Variants in NUP205 observed in about 807,000 individuals in gnomAD.
The protein encoded by NUP205 is nucleoporin 205, also known as nuclear pore complex protein Nup205.
A neutral mutation model predicts 253.8 loss-of-function variants in NUP205; 76 were observed. That is an observed-to-expected ratio of 0.30 (90% CI 0.25 to 0.36). NUP205 has a LOEUF of 0.36. NUP205 is among the 10% of genes least tolerant of loss of function. NUP205 has a pLI of 1.00. For missense variants in NUP205, 2,162 were observed against 2,425.5 expected, an observed-to-expected ratio of 0.89 and a Z score of 2.28; for synonymous variants, 832 against 850.1, an observed-to-expected ratio of 0.98 and a Z score of 0.37.
Position 135,607,347 on chromosome 7 carries a change from T to A in NUP205, c.3171T>A (p.Pro1057=). 6.2e-7 allele frequency: 1 copy of A among 1,613,878 alleles called. No homozygotes were observed. Among genetic ancestry groups the A allele is most frequent in the Non-Finnish European group, 8.5e-7 (1 of 1,179,852 alleles). ...GCCCAGTGGCGGTGCGAGAATCTCC[T>A]CAGCTGGCTGAGCTATGTTACCAGG... ...RTGPVAVRES[P]QLAELCYQVI... is the part of the protein sequence containing the mutation. Residue 1057 remains proline, a synonymous_variant, in exon 22 of 43, where the codon CCT becomes CCA. Transcript: ENST00000285968.
At chr7:135,609,310 C>T (rs1279019139) in intron 22 of NUP205, among the ~76,000 whole-genome samples, 1 of 151,890 alleles carries the variant, frequency 6.6e-6, no homozygotes, top group African/African-American at 2.4e-5. Flanking sequence ...AACCCCATCT[C>T]TACTAAAAAT....
rs1244111756 is a variant in NUP205, at chr7:135,625,238, C to T, written c.4554C>T (p.Asn1518=). 6 of 1,614,054 alleles carry T rather than the reference C, an allele frequency of 3.7e-6. No homozygotes were observed. The highest frequency in any genetic ancestry group is 5.1e-6 in the Non-Finnish European group (6 of 1,179,966). The change falls in exon 32 of 43, where the codon AAC becomes AAT. Residue 1518 remains asparagine (N), a synonymous_variant. Transcript: ENST00000285968. ...KQQQWLLYLS[N]SGYLKVLVDS... ...AGCAGTGGCTTTTGTATCTTTCTAA[C>T]AGTGGCTACTTGAAGGTCCTCGTAG... is the stretch of plus-strand genomic sequence containing the variant.
intron 22 of NUP205, among the ~76,000 whole-genome samples, chr7:135,609,129 C>T (rs898556700): frequency 6.8e-6 from 1 of 147,842 alleles, no homozygotes; most frequent in African/African-American, 2.5e-5. Flanking sequence ...AAAAAAGAAC[C>T]AGGCTTTATA....
chr7:135,600,221 T>G (rs1468055742), intron 15 of NUP205, among the ~76,000 whole-genome samples: 2 of 152,228 alleles, frequency 1.3e-5, no homozygotes, highest in Non-Finnish European at 2.9e-5. Flanking sequence ...TTGGCATAAG[T>G]ATTTTTCTTT....
Position 135,600,917 on chromosome 7 carries a change from A to T in NUP205, c.2322A>T (p.Arg774Ser). The T allele has an allele frequency of 6.2e-7, 1 of 1,612,118 alleles. No individual in the cohort carries two copies. The change falls in exon 16 of 43, where the codon AGA becomes AGT. Residue 774 changes from arginine to serine, a missense_variant. Physicochemically the swap from Arg to Ser is moderately radical, Grantham distance 110. This residue lies in a region of NUP205 where 892 missense variants were observed against 957.1 expected (regional missense o/e 0.93). Transcript: ENST00000285968. ...VVLEVFYKLL[R>S]DYEPQLEDFV... ...TGGAGGTGTTTTATAAATTGCTCAGAGATTATGAGCCTCAGCTTGAAGATT... is the reference window on the plus strand; with the variant it reads ...TGGAGGTGTTTTATAAATTGCTCAGTGATTATGAGCCTCAGCTTGAAGATT...
At chr7:135,611,841 A>G (rs555933124) in intron 22 of NUP205, among the ~76,000 whole-genome samples, 1 of 152,268 alleles carries the variant, frequency 6.6e-6, no homozygotes, top group African/African-American at 2.4e-5. Context: ...CCAGGCGGGC[A>G]CTGTGGGTCA....
intron 2 of NUP205, 61 bp downstream of exon 2, chr7:135,571,308 A>T: frequency 8.8e-7 from 1 of 1,135,594 alleles, no homozygotes. Context: ...CGAGGAAGGA[A>T]GTAAACTCTT....
At chr7:135,644,188 T>C (rs1249996962) in intron 39 of NUP205, among the ~76,000 whole-genome samples, 1 of 152,200 alleles carries the variant, frequency 6.6e-6, no homozygotes, top group East Asian at 1.9e-4. Context: ...AAGACTTGCA[T>C]AACTTACCCA....
intron 7 of NUP205, 26 bp from the exon 8 acceptor site, chr7:135,584,806 T>A: frequency 6.2e-7 from 1 of 1,607,778 alleles, no homozygotes; most frequent in Non-Finnish European, 8.5e-7. Context: ...TTCCTCCATG[T>A]ACTGTGTTTT....
In NUP205 at chr7:135,577,130, C is replaced by T; in HGVS notation, c.648+2C>T. The T allele has an allele frequency of 6.2e-7, 1 of 1,607,000 alleles. No homozygotes were observed. Among genetic ancestry groups the T allele is most frequent in the Non-Finnish European group, 8.5e-7 (1 of 1,177,266 alleles). ...GGCAGTGAAAAACATCGCAAAGAGG[C>T]AAGGGTTCAATGAAATCAATTCATG... is the stretch of plus-strand genomic sequence containing the variant. On this transcript the variant is annotated splice_donor_variant, in intron 5 of 42. Coordinates refer to ENST00000285968, the MANE Select transcript of NUP205 (RefSeq NM_015135.3). LOFTEE classifies it low-confidence loss of function (GC_TO_GT_DONOR).
intron 22 of NUP205, among the ~76,000 whole-genome samples, chr7:135,611,202 G>T (rs970233000): frequency 1.9e-4 from 29 of 152,000 alleles, no homozygotes; most frequent in Non-Finnish European, 3.8e-4. Context: ...TGGAGACGGG[G>T]TTTCACCATG....
At chr7:135,594,499 A>G in intron 12 of NUP205, 48 bp from the exon 13 acceptor site, 1 of 1,441,856 alleles carries the variant, frequency 6.9e-7, no homozygotes, top group Non-Finnish European at 9.5e-7. Flanking sequence ...GGTCATTTTA[A>G]TAACTTTTAA....
intron 1 of NUP205, among the ~76,000 whole-genome samples, chr7:135,568,336 ATTG>A (rs918057611): frequency 8.6e-5 from 13 of 151,540 alleles, no homozygotes; most frequent in Non-Finnish European, 1.5e-4. Context: ...TTAGTTTTTT[ATTG>A]TTGTTGTTGT....
At chr7:135,621,797 T>A (rs1214786985) in intron 30 of NUP205, among the ~76,000 whole-genome samples, 1 of 152,078 alleles carries the variant, frequency 6.6e-6, no homozygotes, top group African/African-American at 2.4e-5. Flanking sequence ...TAGCTAAATT[T>A]TCTTTTCTTT....
chr7:135,594,109 A>C (rs1220342002), intron 12 of NUP205, among the ~76,000 whole-genome samples: 1 of 152,180 alleles, frequency 6.6e-6, no homozygotes, highest in Non-Finnish European at 1.5e-5. Flanking sequence ...TTACATATCA[A>C]CTAAAAATGA....
rs779956859 is a variant in NUP205, at chr7:135,607,316, G to A, written c.3140G>A (p.Arg1047Lys). The A allele has an allele frequency of 4.3e-6, 7 of 1,614,038 alleles. No homozygotes were observed. Among genetic ancestry groups the A allele is most frequent in the Middle Eastern group, 1.6e-4 (1 of 6,082 alleles). ...ATCTTGGAGAAAGGAACGGAAGGGA[G>A]AACAGGCCCAGTGGCGGTGCGAGAA... The part of the protein sequence containing the change: ...LNILEKGTEG[R>K]TGPVAVRESP... Residue 1047 changes from arginine (R) to lysine (K), a missense_variant, in exon 22 of 43, where the codon AGA becomes AAA. Around this residue, in one of 5 missense-constraint regions of NUP205, gnomAD observed 1,144 missense variants for 1,280.9 expected, o/e 0.89. Transcript: ENST00000285968.
intron 1 of NUP205, among the ~76,000 whole-genome samples, chr7:135,562,104 A>G (rs1307044067): frequency 1.3e-5 from 2 of 151,870 alleles, no homozygotes; most frequent in African/African-American, 2.4e-5. Context: ...CATACCTCCT[A>G]TTCCTTCACC....
chr7:135,638,814 T>A, intron 38 of NUP205, 131 bp downstream of exon 38: 1 of 949,718 alleles, frequency 1.1e-6, no homozygotes, highest in African/African-American at 1.7e-5. Flanking sequence ...TTTAAATAAG[T>A]TTTAAAGTTG....
At chr7:135,562,006 C>T (rs1337064285) in intron 1 of NUP205, among the ~76,000 whole-genome samples, 1 of 151,716 alleles carries the variant, frequency 6.6e-6, no homozygotes, top group Non-Finnish European at 1.5e-5. Context: ...CAGTCTCCAC[C>T]TCCCAAGTTT....
Sources: gnomAD v4.1 joint callset for allele counts (sites outside exome capture counted in the v4.1 genomes callset) on GRCh38, gnomAD v4.1.1 for gene constraint, gnomAD v4.1.1 regional missense constraint, MANE v1.5 for transcripts, NCBI Gene and HGNC (gene_info 2026-07-23, HGNC 2026-07-21) for gene names.